Variants in RUNX2 observed in about 807,000 individuals in gnomAD.
The protein encoded by RUNX2 is RUNX family transcription factor 2.
In RUNX2, 10 loss-of-function variants were observed where a neutral mutation model predicts 51.7. That is an observed-to-expected ratio of 0.19 (90% CI 0.12 to 0.33). The LOEUF (loss-of-function observed/expected upper bound fraction) is 0.33. RUNX2 is among the 10% of genes least tolerant of loss of function. RUNX2 has a pLI of 1.00. For synonymous variants in RUNX2, 276 were observed against 273.6 expected (o/e 1.01, Z -0.09); for missense variants, 562 against 691.3 (o/e 0.81, Z 2.10).
intron 5 of RUNX2, among the ~76,000 whole-genome samples, chr6:45,485,050 T>C (rs961507518): frequency 6.6e-6 from 1 of 152,230 alleles, no homozygotes; most frequent in African/African-American, 2.4e-5. Context: ...ACATACTTGG[T>C]GACAGCAAAA....
intron 6 of RUNX2, among the ~76,000 whole-genome samples, chr6:45,506,946 G>A (rs1391633327): frequency 2.0e-5 from 3 of 151,424 alleles, no homozygotes; most frequent in South Asian, 4.2e-4. Context: ...CTGAGCCACC[G>A]TGCCTGGCAA....
At chr6:45,428,622 A>G (rs1221477572) in intron 3 of RUNX2, among the ~76,000 whole-genome samples, 1 of 152,154 alleles carries the variant, frequency 6.6e-6, no homozygotes, top group Non-Finnish European at 1.5e-5. Flanking sequence ...GTGATACGTA[A>G]AACACACTAA....
chr6:45,338,362 G>A (rs1789037766), intron 2 of RUNX2, among the ~76,000 whole-genome samples: 1 of 151,706 alleles, frequency 6.6e-6, no homozygotes, highest in Non-Finnish European at 1.5e-5. Flanking sequence ...AAAAATTATA[G>A]GCAACTTCTC....
At chr6:45,491,913 C>A (rs775456313) in intron 5 of RUNX2, 28 bp from the exon 6 acceptor site, 4 of 1,611,536 alleles carry the variant, frequency 2.5e-6, no homozygotes, top group Non-Finnish European at 2.5e-6. Flanking sequence ...AATTAATATG[C>A]TTTTATTTTA....
chr6:45,463,241 C>T (rs1352796934), intron 5 of RUNX2, among the ~76,000 whole-genome samples: 1 of 152,204 alleles, frequency 6.6e-6, no homozygotes, highest in Non-Finnish European at 1.5e-5. Context: ...CATACCATTA[C>T]TCTCCAACAG....
At chr6:45,375,549 A>ATT (rs898959790) in intron 2 of RUNX2, among the ~76,000 whole-genome samples, 1 of 147,940 alleles carries the variant, frequency 6.8e-6, no homozygotes, top group African/African-American at 2.5e-5. Flanking sequence ...CAAGAGCATC[A>ATT]TTTTTTTTTT....
intron 5 of RUNX2, among the ~76,000 whole-genome samples, chr6:45,465,926 G>A (rs571451936): frequency 4.6e-5 from 7 of 152,006 alleles, no homozygotes; most frequent in African/African-American, 9.7e-5. Context: ...GATTATAGGC[G>A]TGAGCGACTG....
At chr6:45,499,100 CT>C (rs1348230922) in intron 6 of RUNX2, among the ~76,000 whole-genome samples, 2 of 152,208 alleles carry the variant, frequency 1.3e-5, no homozygotes, top group African/African-American at 4.8e-5. Flanking sequence ...TTCACAGTCA[CT>C]GTGGTCCTGC....
At chr6:45,484,258 C>G (rs1800203834) in intron 5 of RUNX2, among the ~76,000 whole-genome samples, 2 of 151,686 alleles carry the variant, frequency 1.3e-5, no homozygotes, top group African/African-American at 4.9e-5. Context: ...TGATGGGGGT[C>G]TAGGAAAGGA....
At chr6:45,362,265 A>G (rs1339198351) in intron 2 of RUNX2, among the ~76,000 whole-genome samples, 1 of 152,218 alleles carries the variant, frequency 6.6e-6, no homozygotes, top group Non-Finnish European at 1.5e-5. Flanking sequence ...CAGAAATGAC[A>G]CTACAATATT....
intron 6 of RUNX2, among the ~76,000 whole-genome samples, chr6:45,508,152 T>C (rs1801031192): frequency 6.6e-6 from 1 of 151,700 alleles, no homozygotes; most frequent in African/African-American, 2.4e-5. Flanking sequence ...GTTGCTATCC[T>C]CTTTAAAATT....
At chr6:45,406,270 C>T (rs368428426) in intron 2 of RUNX2, among the ~76,000 whole-genome samples, 124 of 152,170 alleles carry the variant, frequency 8.1e-4, no homozygotes, top group African/African-American at 2.9e-3. Flanking sequence ...TCTGTCTGGA[C>T]GACTACAGTA....
At chr6:45,381,694 GC>G (rs1797243807) in intron 2 of RUNX2, among the ~76,000 whole-genome samples, 1 of 152,164 alleles carries the variant, frequency 6.6e-6, no homozygotes, top group African/African-American at 2.4e-5. Flanking sequence ...CTCCCAAAGT[GC>G]TGGGATTACA....
chr6:45,341,503 TAA>T (rs1176903856), intron 2 of RUNX2, among the ~76,000 whole-genome samples: 38 of 152,308 alleles, frequency 2.5e-4, no homozygotes, highest in Non-Finnish European at 2.6e-4. Flanking sequence ...TATGCAAGTA[TAA>T]AGTCATAACT....
chr6:45,373,170 A>C (rs1363306041), intron 2 of RUNX2, among the ~76,000 whole-genome samples: 1 of 152,010 alleles, frequency 6.6e-6, no homozygotes, highest in African/African-American at 2.4e-5. Context: ...CATCACTCTT[A>C]GGCTCAAGCA....
intron 5 of RUNX2, among the ~76,000 whole-genome samples, chr6:45,453,076 T>C (rs1799220641): frequency 6.6e-6 from 1 of 152,228 alleles, no homozygotes; most frequent in South Asian, 2.1e-4. Flanking sequence ...TCTGATGTCC[T>C]TCTTATGATT....
Position 45,549,415 on chromosome 6 carries a change from CCTT to C in RUNX2, c.*2113_*2115del, listed in dbSNP as rs1377620931. On this transcript the variant is annotated 3_prime_UTR_variant, in exon 9 of 9. Coordinates refer to ENST00000647337, the MANE Select transcript of RUNX2 (RefSeq NM_001024630.4). ...GTCTCCCTTGGAATTCATCCTGACTCCTTCTAATAAAAATGGATGGGAAAGCAA... is the reference window on the plus strand; with the variant it reads ...GTCTCCCTTGGAATTCATCCTGACTCCTAATAAAAATGGATGGGAAAGCAA... 2 of 398,464 alleles carry C rather than the reference CCTT, an allele frequency of 5.0e-6. No individual in the cohort carries two copies. Among genetic ancestry groups the C allele is most frequent in the Non-Finnish European group, 8.8e-6 (2 of 226,036 alleles). 24.7% of individuals were successfully genotyped at this position (398,464 alleles called of 1,614,324 possible).
chr6:45,522,259 A>C (rs1801528224), intron 7 of RUNX2, among the ~76,000 whole-genome samples: 1 of 152,208 alleles, frequency 6.6e-6, no homozygotes, highest in Non-Finnish European at 1.5e-5. Flanking sequence ...TTTCAGTCTC[A>C]TTTAGGATAC....
chr6:45,526,365 C>T (rs1187182858), intron 7 of RUNX2, among the ~76,000 whole-genome samples: 1 of 152,170 alleles, frequency 6.6e-6, no homozygotes, highest in Non-Finnish European at 1.5e-5. Context: ...ACCCTCTTTA[C>T]ATGAGAATGG....
Sources: gnomAD v4.1 joint callset for allele counts (sites outside exome capture counted in the v4.1 genomes callset) on GRCh38, gnomAD v4.1.1 for gene constraint, MANE v1.5 for transcripts, NCBI Gene and HGNC (gene_info 2026-07-23, HGNC 2026-07-21) for gene names.